Variants in ANKS1B observed in about 807,000 individuals in gnomAD.
ANKS1B encodes the protein ankyrin repeat and sterile alpha motif domain containing 1B.
ANKS1B carries 36 observed loss-of-function variants against 148.3 expected under a neutral mutation model. The ratio of observed to expected loss-of-function variants is 0.24; its 90% confidence interval spans 0.19 to 0.32. The LOEUF (loss-of-function observed/expected upper bound fraction) is 0.32, where lower values mean the gene tolerates loss of function less well. Among genes scored for constraint, ANKS1B ranks in the 10% least tolerant of loss-of-function variants. ANKS1B has a pLI of 1.00. For missense variants in ANKS1B, 1,157 were observed against 1,542.6 expected, an observed-to-expected ratio of 0.75 and a Z score of 4.19; for synonymous variants, 542 against 560.8, an observed-to-expected ratio of 0.97 and a Z score of 0.47.
chr12:99,293,206 A>G (rs867704664), intron 12 of ANKS1B, among the ~76,000 whole-genome samples: 1 of 152,204 alleles, frequency 6.6e-6, no homozygotes, highest in African/African-American at 2.4e-5. Flanking sequence ...TTGCAGGGAC[A>G]TGGATGAAGC....
chr12:98,867,515 G>A (rs1480313258), intron 17 of ANKS1B, among the ~76,000 whole-genome samples: 1 of 152,212 alleles, frequency 6.6e-6, no homozygotes, highest in African/African-American at 2.4e-5. Context: ...AAAGGCAGCT[G>A]TCATCTTCAT....
chr12:99,207,203 G>A (rs1295987543), intron 14 of ANKS1B, among the ~76,000 whole-genome samples: 3 of 152,252 alleles, frequency 2.0e-5, no homozygotes, highest in East Asian at 1.9e-4. Context: ...TTTGGGGTGC[G>A]ATTTTCTGAA....
At chr12:99,939,936 A>G (rs144392463) in intron 1 of ANKS1B, among the ~76,000 whole-genome samples, 237 of 152,324 alleles carry the variant, frequency 1.6e-3, no homozygotes, top group Non-Finnish European at 2.4e-3. Flanking sequence ...AGAGAAAGTT[A>G]TTTTAATTTC....
rs1299340240 is a variant in ANKS1B, at chr12:99,402,882, G to C, written c.1576-3071C>G. On this transcript the variant is annotated intron_variant, in intron 11 of 26. Transcript: ENST00000683438. Reference sequence around the variant, plus strand: ...ATGGTATTTCTGACTTTAAGTCTTTGAGGAATCACTGCATTCTCTTCCACA... The same window carrying C: ...ATGGTATTTCTGACTTTAAGTCTTTCAGGAATCACTGCATTCTCTTCCACA... 2.1e-5 allele frequency among the ~76,000 whole-genome samples: 3 copies of C among 144,192 alleles called. 1 individual carries two copies. Among genetic ancestry groups the C allele is most frequent in the African/African-American group, 5.3e-5 (2 of 38,046 alleles). The allele number at this position is 144,192 out of a possible 152,430, so 94.6% of individuals were successfully genotyped here.
intron 19 of ANKS1B, among the ~76,000 whole-genome samples, chr12:98,812,101 A>C (rs2099101173): frequency 6.6e-6 from 1 of 152,220 alleles, no homozygotes; most frequent in Non-Finnish European, 1.5e-5. Flanking sequence ...AATTTAGAGA[A>C]AGTAAAACCT....
At chr12:99,874,590 A>G (rs2091886899) in intron 1 of ANKS1B, among the ~76,000 whole-genome samples, 1 of 152,214 alleles carries the variant, frequency 6.6e-6, no homozygotes, top group African/African-American at 2.4e-5. Flanking sequence ...GCTAAGATCA[A>G]GAGAAGTCTC....
At chr12:99,357,183 A>G (rs2092071805) in intron 12 of ANKS1B, among the ~76,000 whole-genome samples, 1 of 152,130 alleles carries the variant, frequency 6.6e-6, no homozygotes, top group Admixed American at 6.6e-5. Flanking sequence ...ATTTGGATTC[A>G]GCTTTATTCA....
intron 9 of ANKS1B, among the ~76,000 whole-genome samples, chr12:99,636,094 G>T (rs2098232947): frequency 6.6e-6 from 1 of 151,504 alleles, no homozygotes; most frequent in South Asian, 2.1e-4. Flanking sequence ...GAAACAGGCT[G>T]GAAAAATACT....
intron 17 of ANKS1B, among the ~76,000 whole-genome samples, chr12:98,851,971 C>A (rs1424554780): frequency 3.2e-5 from 4 of 125,554 alleles, no homozygotes; most frequent in African/African-American, 1.2e-4. Context: ...TTGCAGTGAG[C>A]CAAGATTGTG....
At chr12:98,963,477 C>CA (rs985849558) in intron 17 of ANKS1B, among the ~76,000 whole-genome samples, 1 of 151,582 alleles carries the variant, frequency 6.6e-6, no homozygotes, top group African/African-American at 2.4e-5. Flanking sequence ...TGTGCCCGGC[C>CA]AAAAAAATGA....
chr12:99,328,194 T>C lies in ANKS1B; in HGVS notation c.1756+71437A>G, dbSNP rs180913617. ...GAAACAGCAAACAAGTTGAGTCCTA[T>C]ATTTGCCCCAGTTTATTGCCTTGAG... On this transcript the variant is annotated intron_variant, in intron 12 of 26. Coordinates refer to ENST00000683438, the MANE Select transcript of ANKS1B (RefSeq NM_001352186.2). Among the ~76,000 whole-genome samples the C allele has an allele frequency of 2.3e-4, 35 of 152,094 alleles. No homozygotes were observed. In the East Asian group the frequency reaches 6.4e-3, roughly 28 times the overall value.
At chr12:99,972,157 C>A (rs572695619) in intron 1 of ANKS1B, among the ~76,000 whole-genome samples, 1 of 152,144 alleles carries the variant, frequency 6.6e-6, no homozygotes, top group South Asian at 2.1e-4. Context: ...CCCTCGGATA[C>A]AACAATATTA....
At chr12:99,911,167 C>T (rs1020358307) in intron 1 of ANKS1B, among the ~76,000 whole-genome samples, 8 of 152,132 alleles carry the variant, frequency 5.3e-5, no homozygotes, top group Non-Finnish European at 7.4e-5. Context: ...ATTTAAACTC[C>T]GGTCACTGCA....
chr12:99,541,781 C>T (rs764381393), intron 9 of ANKS1B, among the ~76,000 whole-genome samples: 15 of 151,452 alleles, frequency 9.9e-5, no homozygotes, highest in African/African-American at 2.9e-4. Flanking sequence ...CTTGAACCTG[C>T]GGAGCGGAGG....
intron 9 of ANKS1B, among the ~76,000 whole-genome samples, chr12:99,593,247 G>A (rs911012852): frequency 1.3e-5 from 2 of 151,798 alleles, no homozygotes; most frequent in African/African-American, 2.4e-5. Context: ...GGGGTTGGGG[G>A]GGTCTTATAA....
At chr12:99,754,080 A>C (rs1002602633) in intron 8 of ANKS1B, among the ~76,000 whole-genome samples, 1 of 152,018 alleles carries the variant, frequency 6.6e-6, no homozygotes, top group Non-Finnish European at 1.5e-5. Flanking sequence ...TAAAGAACCA[A>C]GATCCATTGG....
At chr12:99,743,928 T>C (rs889430939) in intron 8 of ANKS1B, among the ~76,000 whole-genome samples, 1 of 152,214 alleles carries the variant, frequency 6.6e-6, no homozygotes, top group African/African-American at 2.4e-5. Flanking sequence ...TTTAATTGTG[T>C]TGATTCTAAC....
chr12:99,182,971 G>T (rs2079310012), intron 14 of ANKS1B, among the ~76,000 whole-genome samples: 1 of 152,094 alleles, frequency 6.6e-6, no homozygotes, highest in Admixed American at 6.6e-5. Flanking sequence ...TTTGAGAAAT[G>T]TCTATTCAGA....
intron 8 of ANKS1B, among the ~76,000 whole-genome samples, chr12:99,763,218 C>T (rs1450867829): frequency 6.6e-6 from 1 of 152,056 alleles, no homozygotes; most frequent in Non-Finnish European, 1.5e-5. Flanking sequence ...CTTTTCACAA[C>T]AGCAAAGACA....
Sources: allele counts gnomAD v4.1 joint callset (sites outside exome capture counted in the v4.1 genomes callset), GRCh38; gene constraint gnomAD v4.1.1; transcripts MANE v1.5; gene names NCBI Gene and HGNC (gene_info 2026-07-23, HGNC 2026-07-21).